Variants in TGFB1 observed in about 807,000 individuals in gnomAD.
The protein encoded by TGFB1 is transforming growth factor beta-1 proprotein.
TGFB1 carries 19 observed loss-of-function variants against 43.8 expected under a neutral mutation model. The ratio of observed to expected loss-of-function variants is 0.43; its 90% CI spans 0.30 to 0.64. TGFB1 has a LOEUF of 0.64. Ranked by LOEUF, TGFB1 falls within the 30% of genes least tolerant of loss-of-function variation. The pLI, the probability that TGFB1 is intolerant of heterozygous loss-of-function variation, is 0.11. For synonymous variants in TGFB1, 221 were observed against 236.3 expected, an observed-to-expected ratio of 0.94 and a Z score of 0.60; for missense variants, 445 against 529.8, an observed-to-expected ratio of 0.84 and a Z score of 1.57.
chr19:41,339,661 A>G (rs976046326), intron 5 of TGFB1, among the ~76,000 whole-genome samples: 16 of 152,012 alleles, frequency 1.1e-4, no homozygotes, highest in East Asian at 5.8e-4. Flanking sequence ...AGTGTCTACT[A>G]AAAAAACCAA....
rs199516461 is a variant in TGFB1 at position 41,332,198 on chromosome 19, T to C, written c.944A>G (p.Lys315Arg). 8.7e-6 allele frequency: 14 copies of C among 1,614,190 alleles called. No individual in the cohort carries two copies. The highest frequency in any genetic ancestry group is 6.7e-5 in the Admixed American group (4 of 60,024). The change falls in exon 6 of 7, where the codon AAG becomes AGG. Residue 315 changes from lysine (K) to arginine (R), a missense_variant. By Grantham distance (26) the Lys-to-Arg change is conservative (BLOSUM62 2). This residue lies in a region of TGFB1 where 366 missense variants were observed against 428.8 expected (regional missense o/e 0.85). Transcript: ENST00000221930. ...DLGWKWIHEPKGYHANFCLGP... is the reference protein window; with the variant it reads ...DLGWKWIHEPRGYHANFCLGP... ...GAGGCAGAAGTTGGCATGGTAGCCC[T>C]TGGGCTCGTGGATCCACTTCCAGCC...
rs1052418333 is a variant in TGFB1, at chr19:41,330,449, G to T, written c.*603C>A. On this transcript the variant is annotated 3_prime_UTR_variant, in exon 7 of 7. Transcript: ENST00000221930. ...GGGTCTCACTATGTTACCCAGGCTG[G>T]TCTCAAATGCCTGGATTCAAGTAAT... is the stretch of plus-strand genomic sequence containing the variant. 1.8e-4 allele frequency: 27 copies of T among 152,300 alleles called. No individual in the cohort carries two copies. Among genetic ancestry groups the T allele is most frequent in the Non-Finnish European group, 3.7e-4 (25 of 68,164 alleles). The allele number at this position is 152,300 out of a possible 1,614,324, so 9.4% of individuals were successfully genotyped here. A position where few individuals can be genotyped will look rare whatever the true frequency, so the allele number is the denominator to read the frequency against.
chr19:41,340,247 CTTTCTTTTTTTT>C (rs1329203513), intron 5 of TGFB1, among the ~76,000 whole-genome samples: 34 of 126,742 alleles, frequency 2.7e-4, no homozygotes, highest in Non-Finnish European at 5.2e-4. Flanking sequence ...CTGACACTTT[CTTTCTTTTTTTT>C]TTTTTTTTTT....
chr19:41,332,774 TGG>T, intron 5 of TGFB1, among the ~76,000 whole-genome samples: 1 of 152,130 alleles, frequency 6.6e-6, no homozygotes, highest in Non-Finnish European at 1.5e-5. Flanking sequence ...GAGGATGAAG[TGG>T]GAGGATCGCT....
At chr19:41,351,321 T>C (rs966959675) in intron 1 of TGFB1, 1 of 152,182 alleles carries the variant, frequency 6.6e-6, no homozygotes, top group Non-Finnish European at 1.5e-5. Flanking sequence ...ACCTGAGGGA[T>C]CTTCCCCAAG....
chr19:41,349,205 A>T lies in TGFB1; in HGVS notation c.356-750T>A, dbSNP rs117032873. Among the ~76,000 whole-genome samples, 315 of 152,128 alleles carry T rather than the reference A, an allele frequency of 2.1e-3. 3 individuals carry two copies. Among genetic ancestry groups the T allele is most frequent in the Non-Finnish European group, 3.8e-3 (255 of 67,988 alleles). On this transcript the variant is annotated intron_variant, in intron 1 of 6. Coordinates refer to ENST00000221930, the MANE Select transcript of TGFB1 (RefSeq NM_000660.7). The stretch of plus-strand genomic sequence containing the variant: ...GGCTGTGTGACCATGGGCAGTTAAC[A>T]CCCTCTTTCTGAATGTCAGTTTCCT...
At chr19:41,342,497 G>A (rs1446202488) in intron 3 of TGFB1, among the ~76,000 whole-genome samples, 5 of 146,972 alleles carry the variant, frequency 3.4e-5, no homozygotes, top group Non-Finnish European at 6.0e-5. Flanking sequence ...CCACAGGCGC[G>A]TGCTACCACG....
rs1453752516 is a variant in TGFB1, at chr19:41,331,260, A to G, written c.1015-50T>C. ...GCTCAGGGCTCGTGGAGGGAGGAAA[A>G]CGGCCCTCCACTGCCCCATCCCCCA... On this transcript the variant is annotated intron_variant, in intron 6 of 6. Coordinates refer to ENST00000221930, the MANE Select transcript of TGFB1 (RefSeq NM_000660.7). 2.1e-6 allele frequency: 3 copies of G among 1,454,584 alleles called. No homozygotes were observed. The South Asian group carries it at 4.1e-5, about 20-fold the overall frequency. The allele number at this position is 1,454,584 out of a possible 1,614,324, so 90.1% of individuals were successfully genotyped here.
intron 2 of TGFB1, among the ~76,000 whole-genome samples, chr19:41,346,745 A>G (rs745967717): frequency 2.4e-4 from 37 of 152,210 alleles, no homozygotes; most frequent in Non-Finnish European, 3.5e-4. Context: ...TATTTTTTTG[A>G]GACAGAGTCT....
Position 41,336,212 on chromosome 19 carries a change from G to A in TGFB1, c.861-3931C>T, listed in dbSNP as rs140820708. On this transcript the variant is annotated intron_variant, in intron 5 of 6. Transcript: ENST00000221930. Reference sequence around the variant, plus strand: ...AGGGTTTCACCATGTTGGACAGGCTGGTCTCGAACTCCTGACCTCATGTGA... The same window carrying A: ...AGGGTTTCACCATGTTGGACAGGCTAGTCTCGAACTCCTGACCTCATGTGA... 4.0e-4 allele frequency among the ~76,000 whole-genome samples: 61 copies of A among 151,974 alleles called. No individual in the cohort carries two copies. In the East Asian group the frequency reaches 0.011, roughly 28 times the overall value.
At position 41,334,451 on chromosome 19, in the gene TGFB1, CAG is replaced by C. The variant is rs758319382; in HGVS notation, c.861-2172_861-2171del. Among the ~76,000 whole-genome samples the C allele has an allele frequency of 4.7e-3, 479 of 102,028 alleles. 10 individuals are homozygous for C. Among genetic ancestry groups the C allele is most frequent in the Non-Finnish European group, 8.1e-3 (443 of 54,648 alleles). 66.9% of individuals were successfully genotyped at this position (102,028 alleles called of 152,430 possible). Reference sequence around the variant, plus strand: ...TTTTTTTTTTTTTTTTTTTTTGAGACAGAGTCTTGCTCCGTCACCCAGGCTGG... The same window carrying C: ...TTTTTTTTTTTTTTTTTTTTTGAGACAGTCTTGCTCCGTCACCCAGGCTGG... On this transcript the variant is annotated intron_variant, in intron 5 of 6. Transcript: ENST00000221930.
Position 41,353,150 on chromosome 19 carries a change from G to A in TGFB1, c.-106C>T, listed in dbSNP as rs1258761361. On this transcript the variant is annotated 5_prime_UTR_variant, in exon 1 of 7. Coordinates refer to ENST00000221930, the MANE Select transcript of TGFB1 (RefSeq NM_000660.7). The surrounding 1 kb of genome is among the most constrained non-coding windows in gnomAD (Gnocchi z 5.9). ...GGGGGTCTCCCGGCAAAAGGTAGGA[G>A]GGCCTCGAGGGAAAGCTGAGGTCCT... is the stretch of plus-strand genomic sequence containing the variant. The A allele has an allele frequency of 7.3e-7, 1 of 1,364,830 alleles. No individual in the cohort carries two copies. Among genetic ancestry groups the A allele is most frequent in the Non-Finnish European group, 9.6e-7 (1 of 1,045,526 alleles). 84.5% of individuals were successfully genotyped at this position (1,364,830 alleles called of 1,614,324 possible). A position where few individuals can be genotyped will look rare whatever the true frequency, so the allele number is the denominator to read the frequency against.
rs200716568 is a variant in TGFB1 at position 41,353,387 on chromosome 19, G to T, written c.-343C>A. The stretch of plus-strand genomic sequence containing the variant: ...GAGACAGGCCGGGGATGAAGGCGGC[G>T]TGCAGGGGGTGCGCCCGAGGTCTGG... On this transcript the variant is annotated 5_prime_UTR_variant, in exon 1 of 7. Transcript: ENST00000221930. This position sits in a 1 kb window ranked among gnomAD's most constrained non-coding sequence, Gnocchi z 5.9. 2.7e-5 allele frequency: 7 copies of T among 256,438 alleles called. No homozygotes were observed. Among genetic ancestry groups the T allele is most frequent in the Non-Finnish European group, 5.2e-5 (7 of 134,198 alleles). 15.9% of individuals were successfully genotyped at this position (256,438 alleles called of 1,614,324 possible). A position where few individuals can be genotyped will look rare whatever the true frequency, so the allele number is the denominator to read the frequency against.
intron 3 of TGFB1, among the ~76,000 whole-genome samples, chr19:41,343,037 T>C (rs1455182366): frequency 1.3e-5 from 2 of 152,176 alleles, no homozygotes; most frequent in African/African-American, 4.8e-5. Flanking sequence ...GACTCAGCAT[T>C]GACCAAGACA....
At chr19:41,351,132 G>A (rs1400357387) in intron 1 of TGFB1, 1 of 152,488 alleles carries the variant, frequency 6.6e-6, no homozygotes, top group Non-Finnish European at 1.5e-5. Context: ...TGCATTTGTT[G>A]GGGAGAAGAG....
At chr19:41,349,160 T>C (rs1218029012) in intron 1 of TGFB1, among the ~76,000 whole-genome samples, 2 of 152,166 alleles carry the variant, frequency 1.3e-5, no homozygotes, top group African/African-American at 2.4e-5. Context: ...TGGACTCAGA[T>C]AGTGCCTCTG....
At chr19:41,350,419 C>T (rs967448811) in intron 1 of TGFB1, among the ~76,000 whole-genome samples, 2 of 151,254 alleles carry the variant, frequency 1.3e-5, no homozygotes, top group African/African-American at 4.9e-5. Flanking sequence ...ATTCTCCTGC[C>T]TCAGCCTCCC....
At chr19:41,352,538 C>T (rs2038217219) in intron 1 of TGFB1, 152 bp downstream of exon 1, 5 of 947,594 alleles carry the variant, frequency 5.3e-6, no homozygotes, top group African/African-American at 3.2e-5. Context: ...CTCTTTCGGA[C>T]ACCCCCCTCC....
chr19:41,351,742 C>T lies in TGFB1; in HGVS notation c.355+948G>A, dbSNP rs1251429507. On this transcript the variant is annotated intron_variant, in intron 1 of 6. Transcript: ENST00000221930. ...ACCTCGGTCTTGTAGAGTCACCCCC[C>T]ACCCAGCACTTCCCCTGCGGCTGGA... Among the ~76,000 whole-genome samples the T allele has an allele frequency of 2.6e-5, 4 of 152,164 alleles. No individual in the cohort carries two copies. The East Asian group carries it at 7.8e-4, about 29-fold the overall frequency.
Sources: gnomAD v4.1 joint callset for allele counts (sites outside exome capture counted in the v4.1 genomes callset) on GRCh38, gnomAD v4.1.1 for gene constraint, gnomAD v4.1.1 regional missense constraint, Gnocchi (gnomAD v3.1) non-coding constraint, MANE v1.5 for transcripts, NCBI Gene and HGNC (gene_info 2026-07-23, HGNC 2026-07-21) for gene names.